Variants in NKAIN2 observed in about 807,000 individuals in gnomAD.
NKAIN2 encodes sodium/potassium-transporting ATPase subunit beta-1-interacting protein 2.
In NKAIN2, 14 loss-of-function variants were observed where a neutral mutation model predicts 32.6. The observed-to-expected ratio is 0.43, with a 90% CI of 0.28 to 0.67. NKAIN2 has a LOEUF of 0.67. NKAIN2 is among the 30% of genes least tolerant of loss of function. NKAIN2 has a pLI of 0.17. For missense variants in NKAIN2, 198 were observed against 258.3 expected (o/e 0.77, Z 1.60); for synonymous variants, 80 against 87.2 (o/e 0.92, Z 0.46).
At chr6:124,211,061 G>A (rs1183563514) in intron 1 of NKAIN2, among the ~76,000 whole-genome samples, 2 of 150,236 alleles carry the variant, frequency 1.3e-5, no homozygotes, top group African/African-American at 5.0e-5. Flanking sequence ...AGAAAATCAT[G>A]TAGAATATGA....
chr6:123,992,069 T>C (rs1046451176), intron 1 of NKAIN2, among the ~76,000 whole-genome samples: 2 of 152,128 alleles, frequency 1.3e-5, no homozygotes, highest in African/African-American at 4.8e-5. Flanking sequence ...ACTAAATTTT[T>C]TTGAATGGTA....
chr6:124,256,147 A>G (rs969826037), intron 1 of NKAIN2, among the ~76,000 whole-genome samples: 3 of 152,170 alleles, frequency 2.0e-5, no homozygotes, highest in Non-Finnish European at 4.4e-5. Context: ...TTGGGCACTG[A>G]GGTTATCATT....
At chr6:124,357,732 A>G (rs937925342) in intron 3 of NKAIN2, among the ~76,000 whole-genome samples, 1 of 152,114 alleles carries the variant, frequency 6.6e-6, no homozygotes, top group Admixed American at 6.5e-5. Context: ...ACGTGATAAA[A>G]CATTAAGGTA....
At chr6:123,903,908 C>A (rs144145507) in intron 1 of NKAIN2, among the ~76,000 whole-genome samples, 1 of 140,824 alleles carries the variant, frequency 7.1e-6, no homozygotes, top group South Asian at 2.2e-4. Flanking sequence ...GTCTATTATA[C>A]GCATTTTTTT....
At chr6:124,736,398 T>C (rs1439886116) in intron 4 of NKAIN2, among the ~76,000 whole-genome samples, 2 of 151,934 alleles carry the variant, frequency 1.3e-5, no homozygotes, top group African/African-American at 4.8e-5. Flanking sequence ...GCTAAGATCA[T>C]TGATGAAGGT....
chr6:124,681,163 A>C lies in NKAIN2; in HGVS notation c.474+22777A>C, dbSNP rs767720484. Among the ~76,000 whole-genome samples the C allele has an allele frequency of 2.0e-4, 30 of 152,102 alleles. No homozygotes were observed. In the South Asian group the frequency reaches 2.3e-3, roughly 12 times the overall value. On this transcript the variant is annotated intron_variant, in intron 4 of 6. Transcript: ENST00000368417. ...CACTTTACAGATCTATATTCTTCCC[A>C]TATCAATCATTGTATTGACTCTAGT...
At position 124,425,599 on chromosome 6, in the gene NKAIN2, G is replaced by A. The variant is rs116702343; in HGVS notation, c.273+70252G>A. Reference sequence around the variant, plus strand: ...TATGAGGAATTTATACAACACAGTAGCAAAAAAATAAATAATAGCCTAATT... The same window carrying A: ...TATGAGGAATTTATACAACACAGTAACAAAAAAATAAATAATAGCCTAATT... On this transcript the variant is annotated intron_variant, in intron 3 of 6. Transcript: ENST00000368417. 5.5e-3 allele frequency among the ~76,000 whole-genome samples: 840 copies of A among 152,000 alleles called. 6 individuals are homozygous for A. The highest frequency in any genetic ancestry group is 0.019 in the African/African-American group (795 of 41,486).
chr6:123,823,145 TA>T (rs1296145978), intron 1 of NKAIN2: 1 of 152,206 alleles, frequency 6.6e-6, no homozygotes, highest in African/African-American at 2.4e-5. Flanking sequence ...GAGGCTAGGA[TA>T]ATAGCTACAA....
chr6:124,426,499 A>G (rs774221865), intron 3 of NKAIN2, among the ~76,000 whole-genome samples: 2 of 152,192 alleles, frequency 1.3e-5, no homozygotes, highest in Non-Finnish European at 2.9e-5. Context: ...AAGAAAAAAT[A>G]AAACAGAGAT....
chr6:124,068,233 G>C (rs987120585), intron 1 of NKAIN2, among the ~76,000 whole-genome samples: 1 of 152,054 alleles, frequency 6.6e-6, no homozygotes, highest in Non-Finnish European at 1.5e-5. Flanking sequence ...AGTAGCTCTT[G>C]AGTTAGAGAA....
At chr6:123,961,993 A>G (rs1471487797) in intron 1 of NKAIN2, among the ~76,000 whole-genome samples, 1 of 152,192 alleles carries the variant, frequency 6.6e-6, no homozygotes, top group Non-Finnish European at 1.5e-5. Flanking sequence ...TTATTGCTTC[A>G]TCAAATAGTT....
intron 1 of NKAIN2, among the ~76,000 whole-genome samples, chr6:124,052,362 G>A (rs1782450308): frequency 6.6e-6 from 1 of 152,064 alleles, no homozygotes; most frequent in African/African-American, 2.4e-5. Context: ...TAATGTGGGT[G>A]TGTGGAACTC....
At chr6:124,159,842 T>C (rs1000129186) in intron 1 of NKAIN2, among the ~76,000 whole-genome samples, 1 of 152,066 alleles carries the variant, frequency 6.6e-6, no homozygotes, top group African/African-American at 2.4e-5. Context: ...AAAATATAAA[T>C]AAACCTGACC....
At chr6:124,138,165 G>C (rs552678407) in intron 1 of NKAIN2, among the ~76,000 whole-genome samples, 4 of 151,924 alleles carry the variant, frequency 2.6e-5, no homozygotes, top group South Asian at 2.1e-4. Flanking sequence ...TATCAAAAAA[G>C]GGGGGCAAAG....
At chr6:124,507,681 C>A (rs149929964) in intron 3 of NKAIN2, among the ~76,000 whole-genome samples, 2,884 of 152,216 alleles carry the variant, frequency 0.019, 28 homozygotes, top group Non-Finnish European at 0.031. Context: ...AATCCTAATA[C>A]TCAAAATACT....
At chr6:124,453,937 T>C (rs538459523) in intron 3 of NKAIN2, among the ~76,000 whole-genome samples, 166 of 152,190 alleles carry the variant, frequency 1.1e-3, no homozygotes, top group African/African-American at 3.9e-3. Context: ...GGTAATAAAC[T>C]GAGAACAGAA....
intron 2 of NKAIN2, among the ~76,000 whole-genome samples, chr6:124,347,689 C>T (rs1391111672): frequency 2.6e-5 from 4 of 152,050 alleles, no homozygotes; most frequent in Admixed American, 6.5e-5. Flanking sequence ...GCTCCATCAG[C>T]TCCTTTAAGC....
intron 1 of NKAIN2, among the ~76,000 whole-genome samples, chr6:124,239,219 G>T (rs1008522225): frequency 1.3e-5 from 2 of 152,068 alleles, no homozygotes; most frequent in African/African-American, 2.4e-5. Context: ...AAATATATAT[G>T]CACCCAATAC....
intron 3 of NKAIN2, among the ~76,000 whole-genome samples, chr6:124,569,426 C>T (rs939188608): frequency 6.6e-6 from 1 of 152,238 alleles, no homozygotes; most frequent in African/African-American, 2.4e-5. Context: ...ACACCCTCCA[C>T]TTTTGATATG....
Sources: gnomAD v4.1 joint callset for allele counts (sites outside exome capture counted in the v4.1 genomes callset) on GRCh38, gnomAD v4.1.1 for gene constraint, MANE v1.5 for transcripts, NCBI Gene and HGNC (gene_info 2026-07-23, HGNC 2026-07-21) for gene names.